Variants in PRKCH observed in about 807,000 individuals in gnomAD.
PRKCH encodes the protein protein kinase C eta.
PRKCH carries 28 observed loss-of-function variants against 82.5 expected under a neutral mutation model. The observed-to-expected ratio is 0.34, with a 90% CI of 0.25 to 0.47. PRKCH has a LOEUF of 0.47. Among genes scored for constraint, PRKCH ranks in the 20% least tolerant of loss-of-function variants. PRKCH has a pLI of 1.00. For missense variants in PRKCH, 705 were observed against 881.8 expected, an observed-to-expected ratio of 0.80 and a Z score of 2.54; for synonymous variants, 322 against 327.4, an observed-to-expected ratio of 0.98 and a Z score of 0.18.
chr14:61,534,184 C>T (rs1423454677), intron 12 of PRKCH, among the ~76,000 whole-genome samples: 1 of 152,140 alleles, frequency 6.6e-6, no homozygotes, highest in Non-Finnish European at 1.5e-5. Context: ...AGCAGAATTA[C>T]CATATGATCT....
rs572265083 is a variant in PRKCH at position 61,201,272 on chromosome 14, G to A, written c.-19+13604G>A. ...ATTTAATCTTCAAACAATTATTTGA[G>A]GGTAGGTATTATTATCTCATTTTTT... On this transcript the variant is annotated intron_variant, in intron 1 of 3. Coordinates refer to the PRKCH transcript ENST00000555185. 2.6e-5 allele frequency among the ~76,000 whole-genome samples: 4 copies of A among 152,264 alleles called. No homozygotes were observed. The South Asian group carries it at 8.3e-4, about 32-fold the overall frequency.
chr14:61,344,573 C>T (rs2045968232), intron 1 of PRKCH, among the ~76,000 whole-genome samples: 1 of 152,112 alleles, frequency 6.6e-6, no homozygotes, highest in Non-Finnish European at 1.5e-5. Context: ...TGTGACCAGA[C>T]CTGTTCTTTT....
At chr14:61,457,022 G>A (rs894804162) in intron 7 of PRKCH, 154 bp from the exon 8 acceptor site, 8 of 746,582 alleles carry the variant, frequency 1.1e-5, no homozygotes, top group African/African-American at 3.6e-5. Context: ...AGGGAGTTTC[G>A]AGTGGCAGAA....
intron 4 of PRKCH, among the ~76,000 whole-genome samples, chr14:61,446,173 CAAAA>C (rs34051551): frequency 2.5e-5 from 2 of 79,688 alleles, no homozygotes; most frequent in Non-Finnish European, 2.8e-5. Context: ...GTTATGATTT[CAAAA>C]AAAAAAAAAA....
intron 2 of PRKCH, among the ~76,000 whole-genome samples, chr14:61,439,337 T>C (rs899927985): frequency 6.6e-6 from 1 of 152,102 alleles, no homozygotes; most frequent in Non-Finnish European, 1.5e-5. Context: ...ATGGCAGCAG[T>C]CTAGAACATG....
At chr14:61,366,251 A>C (rs1339965126) in intron 1 of PRKCH, among the ~76,000 whole-genome samples, 2 of 152,120 alleles carry the variant, frequency 1.3e-5, no homozygotes, top group Non-Finnish European at 2.9e-5. Context: ...GCCAAGTAGG[A>C]TTTTTTAAAT....
intron 12 of PRKCH, chr14:61,543,600 T>C (rs941104216): frequency 6.6e-6 from 1 of 152,232 alleles, no homozygotes; most frequent in African/African-American, 2.4e-5. Flanking sequence ...ATTATTTTCC[T>C]CTTTGGCCGA....
At chr14:61,487,762 C>A (rs141691613) in intron 10 of PRKCH, among the ~76,000 whole-genome samples, 1 of 149,372 alleles carries the variant, frequency 6.7e-6, no homozygotes, top group Admixed American at 6.7e-5. Context: ...GAAGGCTGAG[C>A]GGGGAGGATC....
intron 2 of PRKCH, among the ~76,000 whole-genome samples, chr14:61,402,252 A>C (rs1881665140): frequency 6.6e-6 from 1 of 152,246 alleles, no homozygotes; most frequent in African/African-American, 2.4e-5. Flanking sequence ...GATCTCTTGA[A>C]AGCGTAAGGT....
At chr14:61,373,457 C>A (rs1388725709) in intron 1 of PRKCH, among the ~76,000 whole-genome samples, 1 of 151,964 alleles carries the variant, frequency 6.6e-6, no homozygotes, top group African/African-American at 2.4e-5. Flanking sequence ...AACTTCCCAG[C>A]AGCCCCTCCC....
chr14:61,322,698 G>T lies in PRKCH; in HGVS notation c.363+234G>T. Reference sequence around the variant, plus strand: ...GGACACGATCCCCTTTCAGGACAGCGGCTTGGCCTAACGGGAAGTCGGGCA... The same window carrying T: ...GGACACGATCCCCTTTCAGGACAGCTGCTTGGCCTAACGGGAAGTCGGGCA... On this transcript the variant is annotated intron_variant, in intron 1 of 13. Coordinates refer to ENST00000332981, the MANE Select transcript of PRKCH (RefSeq NM_006255.5). 11 of 529,924 alleles carry T rather than the reference G, an allele frequency of 2.1e-5. No homozygotes were observed. In the South Asian group the frequency reaches 3.2e-4, roughly 15 times the overall value. 32.8% of individuals were successfully genotyped at this position (529,924 alleles called of 1,614,324 possible).
At chr14:61,341,178 G>A (rs1056106575) in intron 1 of PRKCH, among the ~76,000 whole-genome samples, 2 of 152,060 alleles carry the variant, frequency 1.3e-5, no homozygotes, top group African/African-American at 4.8e-5. Context: ...GTTCCCAATC[G>A]GCTGGCCCTG....
chr14:61,222,009 A>C (rs74054765), intron 1 of PRKCH, among the ~76,000 whole-genome samples: 1 of 151,698 alleles, frequency 6.6e-6, no homozygotes, highest in Non-Finnish European at 1.5e-5. Flanking sequence ...AGATGGGGGG[A>C]AGTAGAAGGC....
rs765189552 is a variant in PRKCH, at chr14:61,530,566, C to G, written c.1732C>G (p.His578Asp). 1.9e-5 allele frequency: 31 copies of G among 1,604,298 alleles called. No homozygotes were observed. Among genetic ancestry groups the G allele is most frequent in the Non-Finnish European group, 2.4e-5 (28 of 1,175,016 alleles). ...NDEVVYPTWL[H>D]EDATGILKSF... ...TGAGGTGGTCTACCCTACCTGGCTC[C>G]ATGAAGATGCCACAGGGATCCTAAA... The change falls in exon 12 of 14, where the codon CAT (histidine) becomes GAT (aspartate). Residue 578 changes from histidine (H) to aspartate (D), a missense_variant. Around this residue, in one of 5 missense-constraint regions of PRKCH, gnomAD observed 115 missense variants for 193.8 expected, o/e 0.59. Coordinates refer to ENST00000332981, the MANE Select transcript of PRKCH (RefSeq NM_006255.5).
chr14:61,284,969 A>C (rs1418885332), intron 1 of PRKCH, among the ~76,000 whole-genome samples: 1 of 152,202 alleles, frequency 6.6e-6, no homozygotes, highest in Non-Finnish European at 1.5e-5. Flanking sequence ...TATGTTCCTT[A>C]ATGGTGCCAT....
In PRKCH at chr14:61,429,481, T is replaced by C. The variant is rs117514564; in HGVS notation, c.428-13630T>C. Among the ~76,000 whole-genome samples, 187 of 152,322 alleles carry C rather than the reference T, an allele frequency of 1.2e-3. 1 individual carries two copies. The highest frequency in any genetic ancestry group is 2.4e-3 in the Admixed American group (37 of 15,302). On this transcript the variant is annotated intron_variant, in intron 2 of 13. Coordinates refer to ENST00000332981, the MANE Select transcript of PRKCH (RefSeq NM_006255.5). ...GGATTTGAGGAATTTCTTTTAAAAATCAGTCTGTACAATAACTGAGTACAT... is the reference window on the plus strand; with the variant it reads ...GGATTTGAGGAATTTCTTTTAAAAACCAGTCTGTACAATAACTGAGTACAT...
intron 2 of PRKCH, among the ~76,000 whole-genome samples, chr14:61,412,971 A>G (rs1464063845): frequency 6.6e-6 from 1 of 151,790 alleles, no homozygotes; most frequent in East Asian, 1.9e-4. Context: ...TCACATGTTC[A>G]TTTACCTGGA....
rs944043028 is a variant in PRKCH, at chr14:61,508,867, A to G, written c.1434-20208A>G. Among the ~76,000 whole-genome samples the G allele has an allele frequency of 5.3e-5, 8 of 152,128 alleles. 1 individual carries two copies. Among genetic ancestry groups the G allele is most frequent in the Admixed American group, 2.6e-4 (4 of 15,272 alleles). On this transcript the variant is annotated intron_variant, in intron 10 of 13. Transcript: ENST00000332981. ...ATCTTGAGGAGTGAAGCATGAGGAC[A>G]CTGTTTTACTCAGTCACAACCTAGA...
intron 10 of PRKCH, among the ~76,000 whole-genome samples, chr14:61,500,564 G>T (rs913528646): frequency 6.6e-6 from 1 of 152,124 alleles, no homozygotes; most frequent in African/African-American, 2.4e-5. Flanking sequence ...GTTAATTGGT[G>T]TGGTGATCTC....
Sources: gnomAD v4.1 joint callset for allele counts (sites outside exome capture counted in the v4.1 genomes callset) on GRCh38, gnomAD v4.1.1 for gene constraint, gnomAD v4.1.1 regional missense constraint, MANE v1.5 for transcripts, NCBI Gene and HGNC (gene_info 2026-07-23, HGNC 2026-07-21) for gene names.